MGST1: variants seen among roughly 807,000 people sequenced by gnomAD.
The protein encoded by MGST1 is microsomal glutathione S-transferase 1.
A neutral mutation model predicts 8.9 loss-of-function variants in MGST1; 5 were observed. The observed-to-expected ratio is 0.56, with a 90% CI of 0.29 to 1.19. The LOEUF is 1.19. Ranked by LOEUF, MGST1 falls within the 50% of genes most tolerant of loss-of-function variation. The pLI is 0.08. For missense variants in MGST1, 182 were observed against 187.4 expected (o/e 0.97, Z 0.17); for synonymous variants, 54 against 67.8 (o/e 0.80, Z 1.00).
rs763567672 is a variant in MGST1, at chr12:16,560,362, CAGCACAG to C, written n.483-29163_483-29157del. On this transcript the variant is annotated intron_variant and non_coding_transcript_variant, in intron 4 of 4. Transcript: ENST00000538857. The surrounding 1 kb of genome is among the most constrained non-coding windows in gnomAD (Gnocchi z 5.0). ...AATTTCCACCTATTAAATAAATAGC[CAGCACAG>C]AGAGGTTAACCATTTCTTAGAGACC... 3 of 1,563,146 alleles carry C rather than the reference CAGCACAG, an allele frequency of 1.9e-6. No individual in the cohort carries two copies. Among genetic ancestry groups the C allele is most frequent in the Non-Finnish European group, 2.6e-6 (3 of 1,154,070 alleles).
chr12:16,359,124 G>A (rs747945743), intron 3 of MGST1, among the ~76,000 whole-genome samples: 1 of 152,158 alleles, frequency 6.6e-6, no homozygotes, highest in Non-Finnish European at 1.5e-5. Context: ...AAGTGCAGAG[G>A]CGTTTACACT....
chr12:16,406,180 A>G (rs1940696542), intron 1 of MGST1, among the ~76,000 whole-genome samples: 1 of 152,226 alleles, frequency 6.6e-6, no homozygotes, highest in African/African-American at 2.4e-5. Flanking sequence ...GTCTCAGCCC[A>G]AAAGCTCATT....
intron 1 of MGST1, among the ~76,000 whole-genome samples, chr12:16,433,874 G>C (rs745850104): frequency 6.6e-6 from 1 of 151,926 alleles, no homozygotes; most frequent in African/African-American, 2.4e-5. Context: ...ATGTCTGCAG[G>C]GTTGATTTTG....
chr12:16,538,830 G>A (rs752387048), intron 4 of MGST1, among the ~76,000 whole-genome samples: 7 of 151,912 alleles, frequency 4.6e-5, no homozygotes, highest in Non-Finnish European at 1.0e-4. Context: ...GGAGGGTATC[G>A]ATCTCCTGAC....
At chr12:16,444,356 T>C (rs1384811183) in intron 4 of MGST1, among the ~76,000 whole-genome samples, 3 of 151,944 alleles carry the variant, frequency 2.0e-5, no homozygotes, top group Admixed American at 2.0e-4. Flanking sequence ...TCCACTTTCA[T>C]TGTCCCTTGA....
In MGST1 at chr12:16,544,501, A is replaced by T. The variant is rs1433537957; in HGVS notation, n.483-45027A>T. On this transcript the variant is annotated intron_variant and non_coding_transcript_variant, in intron 4 of 4. Transcript: ENST00000538857. The surrounding 1 kb of genome is among the most constrained non-coding windows in gnomAD (Gnocchi z 4.8). ...TTTCTAAGTAGATAAGATTAAATGT[A>T]AATGTAGAGAATTAAGTCAAACCAT... Among the ~76,000 whole-genome samples the T allele has an allele frequency of 6.6e-6, 1 of 152,100 alleles. No individual in the cohort carries two copies. Among genetic ancestry groups the T allele is most frequent in the Admixed American group, 6.6e-5 (1 of 15,248 alleles).
chr12:16,498,929 G>C (rs538389250), intron 4 of MGST1, among the ~76,000 whole-genome samples: 3 of 152,118 alleles, frequency 2.0e-5, no homozygotes, highest in Non-Finnish European at 2.9e-5. Flanking sequence ...GTGATATAAA[G>C]AATGATTTGG....
rs1396915441 is a variant in MGST1 at position 16,576,242 on chromosome 12, T to C, written n.483-13286T>C. 6.6e-6 allele frequency among the ~76,000 whole-genome samples: 1 copy of C among 152,244 alleles called. No homozygotes were observed. The highest frequency in any genetic ancestry group is 1.5e-5 in the Non-Finnish European group (1 of 68,014). ...TTATAACCTTCCATAGCTCCCCTAC[T>C]GTATGCAGGATAGATGCAGGGAAGC... is the stretch of plus-strand genomic sequence containing the variant. On this transcript the variant is annotated intron_variant and non_coding_transcript_variant, in intron 4 of 4. Coordinates refer to the MGST1 transcript ENST00000538857. This position sits in a 1 kb window ranked among gnomAD's most constrained non-coding sequence, Gnocchi z 4.1.
chr12:16,457,577 C>T (rs2137120700), intron 4 of MGST1, among the ~76,000 whole-genome samples: 1 of 151,914 alleles, frequency 6.6e-6, no homozygotes, highest in Admixed American at 6.6e-5. Context: ...TAGCATTGGT[C>T]CATCTATTAT....
At chr12:16,495,265 T>G (rs980922161) in intron 4 of MGST1, among the ~76,000 whole-genome samples, 1 of 152,060 alleles carries the variant, frequency 6.6e-6, no homozygotes, top group African/African-American at 2.4e-5. Context: ...AGCTAAACAT[T>G]GGGTCCTCAA....
At chr12:16,580,688 G>A (rs931178850) in intron 4 of MGST1, among the ~76,000 whole-genome samples, 1 of 152,132 alleles carries the variant, frequency 6.6e-6, no homozygotes, top group African/African-American at 2.4e-5. Context: ...ACATACATGT[G>A]CATAAATACA....
intron 4 of MGST1, among the ~76,000 whole-genome samples, chr12:16,487,859 T>A (rs1941410056): frequency 6.6e-6 from 1 of 152,188 alleles, no homozygotes; most frequent in Admixed American, 6.5e-5. Flanking sequence ...CTCACTATGT[T>A]GCCCAGGCTT....
intron 4 of MGST1, among the ~76,000 whole-genome samples, chr12:16,487,559 G>A (rs551213137): frequency 1.1e-3 from 174 of 152,306 alleles, no homozygotes; most frequent in African/African-American, 3.9e-3. Context: ...GGAGGCAAGA[G>A]GAAGAAAAGG....
At chr12:16,455,163 T>G (rs937673945) in intron 4 of MGST1, among the ~76,000 whole-genome samples, 2 of 151,942 alleles carry the variant, frequency 1.3e-5, no homozygotes, top group African/African-American at 4.8e-5. Context: ...CAAATATGCC[T>G]AGTTTCATAA....
intron 1 of MGST1, chr12:16,400,203 T>G: frequency 1.1e-6 from 1 of 939,208 alleles, no homozygotes. Flanking sequence ...CTCCCACTTC[T>G]GTGTAGAACT....
Position 16,513,955 on chromosome 12 carries a change from A to C in MGST1, n.483-75573A>C, listed in dbSNP as rs1226903753. On this transcript the variant is annotated intron_variant and non_coding_transcript_variant, in intron 4 of 4. Coordinates refer to the MGST1 transcript ENST00000538857. The surrounding 1 kb of genome is among the most constrained non-coding windows in gnomAD (Gnocchi z 4.2). ...CCGCAAGACTTGCGGTTTTGACTTC[A>C]CAGACACTGTGGAGGACATTTCAAA... 5 of 520,212 alleles carry C rather than the reference A, an allele frequency of 9.6e-6. No homozygotes were observed. The highest frequency in any genetic ancestry group is 1.9e-5 in the Non-Finnish European group (5 of 268,858). The allele number at this position is 520,212 out of a possible 1,614,324, so 32.2% of individuals were successfully genotyped here. A position where few individuals can be genotyped will look rare whatever the true frequency, so the allele number is the denominator to read the frequency against.
intron 3 of MGST1, among the ~76,000 whole-genome samples, chr12:16,373,359 G>A (rs1477673486): frequency 6.6e-6 from 1 of 151,798 alleles, no homozygotes; most frequent in Non-Finnish European, 1.5e-5. Context: ...GGTGACTATA[G>A]TTAATAATAA....
chr12:16,495,928 T>C (rs1413638095), intron 4 of MGST1, among the ~76,000 whole-genome samples: 2 of 152,138 alleles, frequency 1.3e-5, no homozygotes, highest in Non-Finnish European at 2.9e-5. Flanking sequence ...CTTGATTAAT[T>C]ATAGTCCCCT....
rs945164180 is a variant in MGST1 at position 16,584,624 on chromosome 12, A to G, written n.483-4904A>G. 3.9e-5 allele frequency among the ~76,000 whole-genome samples: 6 copies of G among 152,154 alleles called. No individual in the cohort carries two copies. Among genetic ancestry groups the G allele is most frequent in the Admixed American group, 2.6e-4 (4 of 15,254 alleles). The stretch of plus-strand genomic sequence containing the variant: ...GGCCTGTTTAGAGGTGGATGGCCTC[A>G]GATGTCTTAGCTTTGGCACAGTGAG... On this transcript the variant is annotated intron_variant and non_coding_transcript_variant, in intron 4 of 4. Coordinates refer to the MGST1 transcript ENST00000538857. The surrounding 1 kb of genome is among the most constrained non-coding windows in gnomAD (Gnocchi z 5.2).
Sources: gnomAD v4.1 joint callset for allele counts (sites outside exome capture counted in the v4.1 genomes callset) on GRCh38, gnomAD v4.1.1 for gene constraint, Gnocchi (gnomAD v3.1) non-coding constraint, MANE v1.5 for transcripts, NCBI Gene and HGNC (gene_info 2026-07-23, HGNC 2026-07-21) for gene names.